Variants in EIF4H observed in about 807,000 individuals in gnomAD.
EIF4H encodes Williams-Beuren syndrome chromosome region 1.
Under a neutral mutation model 30.6 loss-of-function variants are expected in EIF4H, and 8 were observed. The observed-to-expected ratio is 0.26, with a 90% confidence interval of 0.15 to 0.47. EIF4H has a LOEUF of 0.47. EIF4H is among the 20% of genes least tolerant of loss of function. The pLI, the probability that EIF4H is intolerant of heterozygous loss-of-function variation, is 0.99. For synonymous variants in EIF4H, 106 were observed against 122.7 expected (o/e 0.86, Z 0.90); for missense variants, 188 against 339.5 (o/e 0.55, Z 3.51).
intron 1 of EIF4H, among the ~76,000 whole-genome samples, chr7:74,182,074 T>C (rs1440326430): frequency 1.3e-5 from 2 of 152,188 alleles, no homozygotes; most frequent in Non-Finnish European, 2.9e-5. Context: ...TTTTTTTTCT[T>C]TAACCAACAG....
intron 5 of EIF4H, 77 bp downstream of exon 5, chr7:74,190,383 C>A: frequency 7.0e-7 from 1 of 1,438,250 alleles, no homozygotes; most frequent in East Asian, 2.3e-5. Flanking sequence ...ACGAGTAGCC[C>A]GCCTGGCCGG....
intron 2 of EIF4H, among the ~76,000 whole-genome samples, chr7:74,189,247 A>G (rs1200389458): frequency 6.6e-6 from 1 of 152,210 alleles, no homozygotes. Flanking sequence ...ATTTTATGTC[A>G]GTTACCTGAG....
At chr7:74,182,172 A>C (rs1268399842) in intron 1 of EIF4H, among the ~76,000 whole-genome samples, 1 of 152,228 alleles carries the variant, frequency 6.6e-6, no homozygotes, top group African/African-American at 2.4e-5. Flanking sequence ...AAAACATTAC[A>C]GAAAAATGTA....
intron 5 of EIF4H, among the ~76,000 whole-genome samples, chr7:74,193,837 T>G (rs1554710331): frequency 6.6e-6 from 1 of 152,092 alleles, no homozygotes. Flanking sequence ...GGTCCTGAAC[T>G]CCTATACTCA....
At chr7:74,193,465 G>GCTCTGGGGGTTCTTCTCAAAGA (rs1801270882) in intron 5 of EIF4H, among the ~76,000 whole-genome samples, 1 of 152,308 alleles carries the variant, frequency 6.6e-6, no homozygotes, top group East Asian at 1.9e-4. Flanking sequence ...CATACTGCGG[G>GCTCTGGGGGTTCTTCTCAAAGA]CTCTGGGGGT....
At chr7:74,183,717 G>T (rs186092999) in intron 1 of EIF4H, 1 of 152,066 alleles carries the variant, frequency 6.6e-6, no homozygotes, top group African/African-American at 2.4e-5. Flanking sequence ...TAAATGAATC[G>T]GTGGGTAACA....
chr7:74,192,791 C>A (rs1304383700), intron 5 of EIF4H, among the ~76,000 whole-genome samples: 1 of 151,044 alleles, frequency 6.6e-6, no homozygotes, highest in Non-Finnish European at 1.5e-5. Flanking sequence ...GATTCTCCTG[C>A]CTCAGCCTCC....
intron 1 of EIF4H, among the ~76,000 whole-genome samples, chr7:74,176,054 A>T (rs1232214929): frequency 1.3e-5 from 2 of 152,194 alleles, no homozygotes; most frequent in African/African-American, 4.8e-5. Flanking sequence ...CCTAGGTAGC[A>T]CTGTGCATCA....
At chr7:74,183,082 C>G (rs1287239208) in intron 1 of EIF4H, among the ~76,000 whole-genome samples, 1 of 152,192 alleles carries the variant, frequency 6.6e-6, no homozygotes, top group African/African-American at 2.4e-5. Context: ...TCTCTCCACC[C>G]TTCATAGACA....
At chr7:74,188,410 G>A (rs189230495) in intron 2 of EIF4H, among the ~76,000 whole-genome samples, 121 of 152,324 alleles carry the variant, frequency 7.9e-4, no homozygotes, top group African/African-American at 2.7e-3. Flanking sequence ...TGCTGTGTAA[G>A]TGCACGATGC....
intron 1 of EIF4H, among the ~76,000 whole-genome samples, chr7:74,179,033 A>AT (rs1261695186): frequency 6.6e-6 from 1 of 151,932 alleles, no homozygotes; most frequent in Admixed American, 6.6e-5. Context: ...GTATACTCAC[A>AT]TTTTTGGAGC....
chr7:74,190,269 T>C lies in EIF4H; in HGVS notation c.432T>C (p.Ser144=), dbSNP rs1554709732. Residue 144 remains serine, a synonymous_variant, in exon 5 of 7, where the codon TCT becomes TCC. Transcript: ENST00000265753. The part of the protein sequence containing the change: ...DDRGMGSSRE[S]RGGWDSRDDF... ...CAGGAATGGGTAGCTCTCGAGAATC[T>C]AGAGGTGGATGGGATTCCCGGGATG... is the stretch of plus-strand genomic sequence containing the variant. The C allele has an allele frequency of 6.2e-7, 1 of 1,614,212 alleles. No individual in the cohort carries two copies. Among genetic ancestry groups the C allele is most frequent in the South Asian group, 1.1e-5 (1 of 91,088 alleles).
chr7:74,195,163 C>T lies in EIF4H; in HGVS notation c.608-6C>T. 1.9e-6 allele frequency: 3 copies of T among 1,613,368 alleles called. No homozygotes were observed. The South Asian group carries it at 3.3e-5, about 18-fold the overall frequency. On this transcript the variant is annotated splice_region_variant and splice_polypyrimidine_tract_variant and intron_variant, in intron 6 of 6. Coordinates refer to ENST00000265753, the MANE Select transcript of EIF4H (RefSeq NM_022170.2). ...ACTCTGACAAACTCTGCTTTTTCTC[C>T]CCCAGAGGAAAGAGCACAGAGACCA...
At position 74,189,940 on chromosome 7, in the gene EIF4H, G is replaced by T. The variant is rs1554709665; in HGVS notation, c.409+22G>T. 2.5e-6 allele frequency: 4 copies of T among 1,611,992 alleles called. No individual in the cohort carries two copies. The South Asian group carries it at 4.4e-5, about 18-fold the overall frequency. On this transcript the variant is annotated intron_variant, in intron 4 of 6. Transcript: ENST00000265753. ...AGAGGTGATTGGTTCTTCTAAAGCTGAACATCATAAAGATTTGCAGTATGC... is the reference window on the plus strand; with the variant it reads ...AGAGGTGATTGGTTCTTCTAAAGCTTAACATCATAAAGATTTGCAGTATGC...
At chr7:74,175,859 G>A (rs1242267649) in intron 1 of EIF4H, among the ~76,000 whole-genome samples, 1 of 151,960 alleles carries the variant, frequency 6.6e-6, no homozygotes, top group Non-Finnish European at 1.5e-5. Flanking sequence ...TGAGTGTGGG[G>A]ATTTAAAAAA....
At chr7:74,186,423 G>A (rs1254701106) in intron 1 of EIF4H, among the ~76,000 whole-genome samples, 1 of 152,028 alleles carries the variant, frequency 6.6e-6, no homozygotes, top group Non-Finnish European at 1.5e-5. Context: ...ACATTGGTCA[G>A]GCTGATCTTG....
At chr7:74,187,508 C>T in intron 1 of EIF4H, 103 bp from the exon 2 acceptor site, 3 of 1,203,242 alleles carry the variant, frequency 2.5e-6, no homozygotes, top group Non-Finnish European at 3.4e-6. Context: ...GAGCAGAGTG[C>T]CTCACCTGGG....
At chr7:74,194,911 G>T in intron 6 of EIF4H, 33 bp downstream of exon 6, 1 of 1,567,690 alleles carries the variant, frequency 6.4e-7, no homozygotes, top group Non-Finnish European at 8.7e-7. Context: ...AGGGCATCTT[G>T]TCCTGATGGG....
At chr7:74,187,944 A>G (rs563879644) in intron 2 of EIF4H, 146 bp downstream of exon 2, 1 of 932,738 alleles carries the variant, frequency 1.1e-6, no homozygotes, top group African/African-American at 1.7e-5. Context: ...GCCGAAAGAA[A>G]CATAACTCTT....
Sources: gnomAD v4.1 joint callset for allele counts (sites outside exome capture counted in the v4.1 genomes callset) on GRCh38, gnomAD v4.1.1 for gene constraint, MANE v1.5 for transcripts, NCBI Gene and HGNC (gene_info 2026-07-23, HGNC 2026-07-21) for gene names.